FAM118B: variants seen among roughly 807,000 people sequenced by gnomAD.
The protein encoded by FAM118B is SIR2 antiphage like 1, also known as protein FAM118B.
A neutral mutation model predicts 38.5 loss-of-function variants in FAM118B; 24 were observed. That is an observed-to-expected ratio of 0.62 (90% confidence interval 0.45 to 0.88). The LOEUF is 0.88. Among genes scored for constraint, FAM118B ranks in the 40% least tolerant of loss-of-function variants. FAM118B has a pLI of 0.00. For synonymous variants in FAM118B, 138 were observed against 156.3 expected (o/e 0.88, Z 0.87); for missense variants, 334 against 420.0 (o/e 0.80, Z 1.79).
intron 4 of FAM118B, among the ~76,000 whole-genome samples, chr11:126,242,024 CAAA>C (rs60865966): frequency 2.0e-4 from 18 of 88,388 alleles, no homozygotes; most frequent in East Asian, 3.2e-4. Context: ...GACTCCGTCT[CAAA>C]AAAAAAAAAA....
At chr11:126,213,362 C>G (rs565372177) in intron 1 of FAM118B, among the ~76,000 whole-genome samples, 1 of 152,194 alleles carries the variant, frequency 6.6e-6, no homozygotes, top group Non-Finnish European at 1.5e-5. Context: ...GATCCAGATA[C>G]AAATGCAAAG....
chr11:126,238,342 G>C (rs938663931), intron 3 of FAM118B, among the ~76,000 whole-genome samples: 1 of 151,940 alleles, frequency 6.6e-6, no homozygotes, highest in East Asian at 1.9e-4. Context: ...AAAAAAAAAA[G>C]CCAGTTGGAG....
At position 126,250,752 on chromosome 11, in the gene FAM118B, G is replaced by C; in HGVS notation, c.567+19G>C. On this transcript the variant is annotated intron_variant, in intron 5 of 8. Coordinates refer to ENST00000533050, the MANE Select transcript of FAM118B (RefSeq NM_024556.4). The surrounding 1 kb of genome is among the most constrained non-coding windows in gnomAD (Gnocchi z 5.1). The stretch of plus-strand genomic sequence containing the variant: ...GAAAAAGGTAAAAAGTAAAGCATTG[G>C]TCCCTTCTTCAGGCTAGTGGATTTT... The C allele has an allele frequency of 1.3e-6, 2 of 1,557,490 alleles. No homozygotes were observed.
chr11:126,242,505 T>C (rs1316200660), intron 4 of FAM118B, among the ~76,000 whole-genome samples: 1 of 152,312 alleles, frequency 6.6e-6, no homozygotes, highest in South Asian at 2.1e-4. Flanking sequence ...AGGCGTATAA[T>C]ATCCAGAATC....
chr11:126,240,715 A>G (rs1950344398), intron 3 of FAM118B, 77 bp from the exon 4 acceptor site: 2 of 1,422,628 alleles, frequency 1.4e-6, no homozygotes, highest in Admixed American at 2.3e-5. Flanking sequence ...AAAAACTGTA[A>G]CCTGAGTCAG....
At chr11:126,215,764 C>A (rs1289653007) in intron 1 of FAM118B, among the ~76,000 whole-genome samples, 5 of 150,380 alleles carry the variant, frequency 3.3e-5, no homozygotes, top group African/African-American at 1.2e-4. Context: ...AATCCCAGCA[C>A]TTTGGGAGGC....
At chr11:126,220,412 T>C (rs574491712) in intron 1 of FAM118B, among the ~76,000 whole-genome samples, 1 of 152,286 alleles carries the variant, frequency 6.6e-6, no homozygotes, top group African/African-American at 2.4e-5. Context: ...GCCACTTTTT[T>C]TTTAAGACTG....
intron 3 of FAM118B, among the ~76,000 whole-genome samples, chr11:126,236,917 CT>C (rs34983028): frequency 0.49 from 33,617 of 68,316 alleles, 6,819 homozygotes; most frequent in East Asian, 0.67. Context: ...TTCACAGATG[CT>C]TTTTTTTTTT....
chr11:126,250,406 A>G lies in FAM118B; in HGVS notation c.340-100A>G. 6.3e-6 allele frequency: 5 copies of G among 792,852 alleles called. No individual in the cohort carries two copies. The South Asian group carries it at 8.7e-5, about 14-fold the overall frequency. The allele number at this position is 792,852 out of a possible 1,614,324, so 49.1% of individuals were successfully genotyped here. A position where few individuals can be genotyped will look rare whatever the true frequency, so the allele number is the denominator to read the frequency against. On this transcript the variant is annotated intron_variant, in intron 4 of 8. Coordinates refer to ENST00000533050, the MANE Select transcript of FAM118B (RefSeq NM_024556.4). The surrounding 1 kb of genome is among the most constrained non-coding windows in gnomAD (Gnocchi z 5.1). ...GCGCCTGGCCTTTATCTCTGTTTTG[A>G]ATTCAAAATATTCTTCCAAAATTTG...
chr11:126,235,545 G>C (rs1355501372), intron 3 of FAM118B, among the ~76,000 whole-genome samples: 1 of 151,898 alleles, frequency 6.6e-6, no homozygotes, highest in Admixed American at 6.6e-5. Flanking sequence ...TTGAGACAGA[G>C]TCTTGCTGTG....
chr11:126,262,331 G>T lies in FAM118B; in HGVS notation c.*198G>T, dbSNP rs1950718067. On this transcript the variant is annotated 3_prime_UTR_variant, in exon 9 of 9. Coordinates refer to ENST00000533050, the MANE Select transcript of FAM118B (RefSeq NM_024556.4). ...CCTGGTTCTTGATATTCTGCCGCCT[G>T]TTCAAGTTCAAGAATAAAAGCGACA... 198 of 451,118 alleles carry T rather than the reference G, an allele frequency of 4.4e-4. No individual in the cohort carries two copies. The highest frequency in any genetic ancestry group is 1.1e-3 in the Middle Eastern group (3 of 2,752). The allele number at this position is 451,118 out of a possible 1,614,324, so 27.9% of individuals were successfully genotyped here.
At chr11:126,232,610 C>T (rs1351007401) in intron 2 of FAM118B, among the ~76,000 whole-genome samples, 2 of 150,942 alleles carry the variant, frequency 1.3e-5, no homozygotes, top group African/African-American at 2.4e-5. Context: ...TTTATAGAAC[C>T]ATATTTAAGA....
At chr11:126,257,430 A>C (rs190909395) in intron 7 of FAM118B, among the ~76,000 whole-genome samples, 156 of 152,260 alleles carry the variant, frequency 1.0e-3, no homozygotes, top group African/African-American at 3.5e-3. Context: ...AGGATCCTAA[A>C]ATTGGTGGAG....
rs202028488 is a variant in FAM118B, at chr11:126,232,051, GT to G, written c.-8+2767del. On this transcript the variant is annotated intron_variant, in intron 2 of 8. Transcript: ENST00000533050. ...CTTTGTTGATAGTTTTGGACTTTAA[GT>G]TTTTTTTTGTTTGTTTTGGCTGAAA... 2.0e-5 allele frequency among the ~76,000 whole-genome samples: 3 copies of G among 151,676 alleles called. No homozygotes were observed. The East Asian group carries it at 5.8e-4, about 29-fold the overall frequency.
intron 5 of FAM118B, among the ~76,000 whole-genome samples, chr11:126,251,128 G>A (rs894522691): frequency 3.3e-5 from 5 of 152,178 alleles, no homozygotes; most frequent in Non-Finnish European, 5.9e-5. Context: ...CTGATTGGAA[G>A]AACAACTTCC....
At chr11:126,243,050 TACA>T (rs893738040) in intron 4 of FAM118B, among the ~76,000 whole-genome samples, 1 of 152,148 alleles carries the variant, frequency 6.6e-6, no homozygotes, top group African/African-American at 2.4e-5. Flanking sequence ...GCTCGTCCCA[TACA>T]ACAACATGGA....
intron 4 of FAM118B, among the ~76,000 whole-genome samples, chr11:126,246,299 C>T (rs1379804276): frequency 6.6e-6 from 1 of 152,136 alleles, no homozygotes; most frequent in Non-Finnish European, 1.5e-5. Context: ...CTCAGCAGTA[C>T]TATGGCAGGG....
chr11:126,232,799 A>G (rs1309523001), intron 2 of FAM118B, among the ~76,000 whole-genome samples: 3 of 151,664 alleles, frequency 2.0e-5, no homozygotes, highest in Non-Finnish European at 2.9e-5. Context: ...TGTGTGTGGA[A>G]GAAGTAAACA....
In FAM118B at chr11:126,256,516, T is replaced by G. The variant is rs1487031031; in HGVS notation, c.697-51T>G. 2.6e-6 allele frequency: 4 copies of G among 1,563,842 alleles called. No individual in the cohort carries two copies. The Admixed American group carries it at 7.0e-5, about 27-fold the overall frequency. ...TAGCATGACCTTCTTGTTTCAGACT[T>G]GCCTTGAGTGTGTCTTCACAATGTC... On this transcript the variant is annotated intron_variant, in intron 6 of 8. Transcript: ENST00000533050. The surrounding 1 kb of genome is among the most constrained non-coding windows in gnomAD (Gnocchi z 6.6).
Sources: gnomAD v4.1 joint callset for allele counts (sites outside exome capture counted in the v4.1 genomes callset) on GRCh38, gnomAD v4.1.1 for gene constraint, Gnocchi (gnomAD v3.1) non-coding constraint, MANE v1.5 for transcripts, NCBI Gene and HGNC (gene_info 2026-07-23, HGNC 2026-07-21) for gene names.